The following FARS2 variants were observed in gnomAD, a reference collection of about 807,000 sequenced individuals.
FARS2 encodes the protein phenylalanyl-tRNA synthetase 2, mitochondrial, also known as phenylalanine--tRNA ligase, mitochondrial.
FARS2 carries 40 observed loss-of-function variants against 46.4 expected under a neutral mutation model. The ratio of observed to expected loss-of-function variants is 0.86; its 90% confidence interval spans 0.67 to 1.12. The LOEUF (loss-of-function observed/expected upper bound fraction) is 1.12. Ranked by LOEUF, FARS2 falls within the 50% of genes most tolerant of loss-of-function variation. The probability of loss-of-function intolerance (pLI) is 0.00; values close to 1 mark genes in which losing one functional copy is unlikely to be tolerated. For missense variants in FARS2, 513 were observed against 567.9 expected, an observed-to-expected ratio of 0.90 and a Z score of 0.98; for synonymous variants, 234 against 214.9, an observed-to-expected ratio of 1.09 and a Z score of -0.78.
At chr6:5,547,491 T>G (rs1459556517) in intron 5 of FARS2, among the ~76,000 whole-genome samples, 1 of 152,176 alleles carries the variant, frequency 6.6e-6, no homozygotes, top group Non-Finnish European at 1.5e-5. Context: ...AGGCCAGATC[T>G]TTTTGTTCTA....
chr6:5,397,407 C>A (rs1760974909), intron 2 of FARS2, among the ~76,000 whole-genome samples: 1 of 152,126 alleles, frequency 6.6e-6, no homozygotes, highest in African/African-American at 2.4e-5. Flanking sequence ...ATAGAATGTA[C>A]AACTCCAAGA....
intron 6 of FARS2, among the ~76,000 whole-genome samples, chr6:5,716,783 A>C (rs1759516112): frequency 6.6e-6 from 1 of 152,260 alleles, no homozygotes; most frequent in Non-Finnish European, 1.5e-5. Flanking sequence ...AACAAAGGAT[A>C]CAGATGAAGA....
In FARS2 at chr6:5,603,977, G is replaced by T. The variant is rs1774685719; in HGVS notation, c.1066-9192G>T. On this transcript the variant is annotated intron_variant, in intron 5 of 6. Transcript: ENST00000274680. ...ATATTCTATGGTACCATTCCAAGGA[G>T]GGAAGCCAGAGAGCCTCACACCCCT... Among the ~76,000 whole-genome samples, 3 of 152,142 alleles carry T rather than the reference G, an allele frequency of 2.0e-5. No individual in the cohort carries two copies. The South Asian group carries it at 6.2e-4, about 32-fold the overall frequency.
chr6:5,637,614 G>A (rs1776607127), intron 6 of FARS2, among the ~76,000 whole-genome samples: 1 of 152,198 alleles, frequency 6.6e-6, no homozygotes, highest in South Asian at 2.1e-4. Context: ...AACCCAACTT[G>A]AAGACTTATG....
chr6:5,626,059 A>G (rs1776015016), intron 6 of FARS2, among the ~76,000 whole-genome samples: 1 of 152,168 alleles, frequency 6.6e-6, no homozygotes, highest in Non-Finnish European at 1.5e-5. Flanking sequence ...TGTTATCATG[A>G]TTGGAATTTA....
At chr6:5,728,269 A>G (rs1760394867) in intron 6 of FARS2, among the ~76,000 whole-genome samples, 1 of 151,928 alleles carries the variant, frequency 6.6e-6, no homozygotes. Flanking sequence ...ATAGCTGGGA[A>G]TGGGCTGGTT....
chr6:5,432,412 T>G (rs1473546653), intron 4 of FARS2, among the ~76,000 whole-genome samples: 65 of 127,756 alleles, frequency 5.1e-4, no homozygotes, highest in African/African-American at 1.9e-3. Context: ...ATGTATTATA[T>G]ATAATATATA....
At chr6:5,382,820 G>A (rs894876475) in intron 2 of FARS2, among the ~76,000 whole-genome samples, 2 of 152,216 alleles carry the variant, frequency 1.3e-5, no homozygotes, top group Non-Finnish European at 2.9e-5. Flanking sequence ...ATTATAGTTT[G>A]TCACAATCTG....
intron 4 of FARS2, among the ~76,000 whole-genome samples, chr6:5,536,507 C>G (rs578112060): frequency 6.6e-6 from 1 of 152,060 alleles, no homozygotes; most frequent in African/African-American, 2.4e-5. Flanking sequence ...AAAGCAGAAC[C>G]CTATAAGGAG....
chr6:5,383,305 C>CT (rs767503264), intron 2 of FARS2, among the ~76,000 whole-genome samples: 9 of 152,174 alleles, frequency 5.9e-5, no homozygotes, highest in Non-Finnish European at 1.0e-4. Context: ...GGAATTATGC[C>CT]TTTTTTACCC....
intron 5 of FARS2, among the ~76,000 whole-genome samples, chr6:5,560,535 T>G (rs1771925816): frequency 6.6e-6 from 1 of 152,140 alleles, no homozygotes; most frequent in Non-Finnish European, 1.5e-5. Flanking sequence ...CTGTGTTTGT[T>G]ACGATCTTCT....
chr6:5,593,538 A>G (rs1774038394), intron 5 of FARS2, among the ~76,000 whole-genome samples: 1 of 152,188 alleles, frequency 6.6e-6, no homozygotes, highest in Non-Finnish European at 1.5e-5. Flanking sequence ...GCACCTGTGG[A>G]CAACTCTGCC....
chr6:5,529,320 C>T lies in FARS2; in HGVS notation c.905-15860C>T, dbSNP rs562158502. Reference sequence around the variant, plus strand: ...AAACAAGTCACAGTAACTTTTTTTTCTTTTTTGAGACAGAGTCTCACTCTG... The same window carrying T: ...AAACAAGTCACAGTAACTTTTTTTTTTTTTTTGAGACAGAGTCTCACTCTG... On this transcript the variant is annotated intron_variant, in intron 4 of 6. Transcript: ENST00000274680. Among the ~76,000 whole-genome samples, 179 of 151,730 alleles carry T rather than the reference C, an allele frequency of 1.2e-3. 2 individuals carry two copies. Among genetic ancestry groups the T allele is most frequent in the African/African-American group, 4.1e-3 (168 of 41,430 alleles).
intron 6 of FARS2, among the ~76,000 whole-genome samples, chr6:5,666,805 C>A (rs1434617635): frequency 2.0e-5 from 3 of 152,098 alleles, no homozygotes; most frequent in African/African-American, 2.4e-5. Flanking sequence ...ATAGCAAAGA[C>A]ATGGAATCAA....
At chr6:5,444,424 G>A (rs529543712) in intron 4 of FARS2, among the ~76,000 whole-genome samples, 36 of 132,474 alleles carry the variant, frequency 2.7e-4, no homozygotes, top group Admixed American at 4.3e-4. Flanking sequence ...CCGAGATTGC[G>A]CCATTGCACT....
chr6:5,354,971 TTGGGAC>T (rs1051658701), intron 1 of FARS2, among the ~76,000 whole-genome samples: 4 of 152,196 alleles, frequency 2.6e-5, no homozygotes, highest in African/African-American at 9.7e-5. Context: ...GTCACTGGTC[TTGGGAC>T]TGTATTTTGA....
rs879580170 is a variant in FARS2, at chr6:5,339,433, C to CT, written c.-21-29104dup. ...AATTAATTCACAAACCAGGAGACTT[C>CT]TTTTTTTTTTTTTGAGACGGAGTCT... On this transcript the variant is annotated intron_variant, in intron 1 of 6. Coordinates refer to ENST00000274680, the MANE Select transcript of FARS2 (RefSeq NM_006567.5). 1.8e-3 allele frequency among the ~76,000 whole-genome samples: 266 copies of CT among 144,466 alleles called. 1 individual carries two copies. The highest frequency in any genetic ancestry group is 2.1e-3 in the Non-Finnish European group (140 of 65,516). 94.8% of individuals were successfully genotyped at this position (144,466 alleles called of 152,430 possible).
intron 6 of FARS2, among the ~76,000 whole-genome samples, chr6:5,690,997 C>T (rs139736469): frequency 0.093 from 14,165 of 152,162 alleles, 2,246 homozygotes; most frequent in African/African-American, 0.32. Context: ...AATCGGCTAC[C>T]GAGGCTTGTG....
intron 6 of FARS2, among the ~76,000 whole-genome samples, chr6:5,733,320 C>T (rs937727362): frequency 3.3e-5 from 5 of 152,144 alleles, no homozygotes; most frequent in Middle Eastern, 3.2e-3. Context: ...AATGGGATTT[C>T]GTTTTCAACA....
Sources: gnomAD v4.1 joint callset for allele counts (sites outside exome capture counted in the v4.1 genomes callset) on GRCh38, gnomAD v4.1.1 for gene constraint, MANE v1.5 for transcripts, NCBI Gene and HGNC (gene_info 2026-07-23, HGNC 2026-07-21) for gene names.